The following ADAMTSL1 variants were observed in gnomAD, a reference collection of about 807,000 sequenced individuals.
ADAMTSL1 encodes the protein ADAMTS-like protein 1.
Under a neutral mutation model 201.8 loss-of-function variants are expected in ADAMTSL1, and 126 were observed. The ratio of observed to expected loss-of-function variants is 0.62; its 90% CI spans 0.54 to 0.72. ADAMTSL1 has a LOEUF of 0.72. Ranked by LOEUF, ADAMTSL1 falls within the 30% of genes least tolerant of loss-of-function variation. The pLI is 0.00. For synonymous variants in ADAMTSL1, 1,121 were observed against 903.4 expected (o/e 1.24, Z -4.32); for missense variants, 2,679 against 2,277.8 (o/e 1.18, Z -3.59).
chr9:18,628,402 G>A (rs1288045870), intron 5 of ADAMTSL1, among the ~76,000 whole-genome samples: 1 of 152,118 alleles, frequency 6.6e-6, no homozygotes, highest in African/African-American at 2.4e-5. Flanking sequence ...CCGTTTCTCT[G>A]AGGGTCTGTT....
chr9:18,636,596 C>A (rs919492946), intron 6 of ADAMTSL1, among the ~76,000 whole-genome samples: 2 of 152,236 alleles, frequency 1.3e-5, no homozygotes, highest in East Asian at 3.9e-4. Context: ...GTAATCATAA[C>A]CCCAAAGATC....
intron 23 of ADAMTSL1, among the ~76,000 whole-genome samples, chr9:18,831,194 G>A (rs2131269261): frequency 6.6e-6 from 1 of 152,340 alleles, no homozygotes; most frequent in African/African-American, 2.4e-5. Context: ...CACAGGGAAA[G>A]TAACAAGTAG....
At chr9:18,229,055 A>C (rs1449239724) in intron 2 of ADAMTSL1, among the ~76,000 whole-genome samples, 1 of 152,120 alleles carries the variant, frequency 6.6e-6, no homozygotes, top group African/African-American at 2.4e-5. Flanking sequence ...ATGGGTAATT[A>C]TATAGCACCA....
chr9:18,358,329 G>A (rs1271479877), intron 2 of ADAMTSL1, among the ~76,000 whole-genome samples: 2 of 152,062 alleles, frequency 1.3e-5, no homozygotes, highest in African/African-American at 4.8e-5. Context: ...CCTTTTGTGG[G>A]AAAAGTAAGA....
intron 15 of ADAMTSL1, among the ~76,000 whole-genome samples, chr9:18,734,180 A>T (rs773437530): frequency 1.3e-5 from 2 of 152,232 alleles, no homozygotes; most frequent in Non-Finnish European, 2.9e-5. Flanking sequence ...CGCTTAGCAC[A>T]GTGCCTCGCT....
At chr9:18,599,927 C>G (rs967263814) in intron 4 of ADAMTSL1, among the ~76,000 whole-genome samples, 7 of 138,492 alleles carry the variant, frequency 5.1e-5, no homozygotes, top group Non-Finnish European at 9.0e-5. Flanking sequence ...CCGAGGCGGG[C>G]AGATCAGAAG....
At chr9:18,322,582 G>A (rs902786333) in intron 2 of ADAMTSL1, among the ~76,000 whole-genome samples, 7 of 152,176 alleles carry the variant, frequency 4.6e-5, no homozygotes, top group East Asian at 1.9e-4. Context: ...GCAGTGAGCC[G>A]AGATTGTGCC....
At position 18,090,641 on chromosome 9, in the gene ADAMTSL1, C is replaced by A. The variant is rs538835422; in HGVS notation, c.88-73221C>A. Among the ~76,000 whole-genome samples, 49 of 152,068 alleles carry A rather than the reference C, an allele frequency of 3.2e-4. No homozygotes were observed. The South Asian group carries it at 9.7e-3, about 30-fold the overall frequency. Reference sequence around the variant, plus strand: ...TTTAATAGGTACAGAGTTTTAATTGCGGAATGTGAAAAAGTTCTGGAGCTG... The same window carrying A: ...TTTAATAGGTACAGAGTTTTAATTGAGGAATGTGAAAAAGTTCTGGAGCTG... On this transcript the variant is annotated intron_variant, in intron 1 of 29. Transcript: ENST00000680146.
rs926313931 is a variant in ADAMTSL1 at position 18,798,706 on chromosome 9, A to G, written c.3805+3182A>G. On this transcript the variant is annotated intron_variant, in intron 20 of 28. Coordinates refer to ENST00000380548, the MANE Select transcript of ADAMTSL1 (RefSeq NM_001040272.6). Reference sequence around the variant, plus strand: ...GTGATGAATATTTCACGTGGGCAACAGAGAGAGACGCCTGATGGGCTCTCC... The same window carrying G: ...GTGATGAATATTTCACGTGGGCAACGGAGAGAGACGCCTGATGGGCTCTCC... Among the ~76,000 whole-genome samples the G allele has an allele frequency of 4.6e-5, 7 of 152,326 alleles. No individual in the cohort carries two copies. The South Asian group carries it at 1.0e-3, about 23-fold the overall frequency.
chr9:18,737,806 T>G (rs1276759249), intron 15 of ADAMTSL1, among the ~76,000 whole-genome samples: 5 of 152,186 alleles, frequency 3.3e-5, no homozygotes, highest in Admixed American at 3.3e-4. Flanking sequence ...GCCTGAAAAG[T>G]AATGTTTTCC....
At chr9:18,794,423 CAAAA>C (rs918249545) in intron 19 of ADAMTSL1, among the ~76,000 whole-genome samples, 1 of 144,162 alleles carries the variant, frequency 6.9e-6, no homozygotes, top group African/African-American at 2.6e-5. Context: ...AAAACAAAAA[CAAAA>C]ACAAAAAAAA....
At chr9:18,449,404 T>A (rs976150961) in intron 2 of ADAMTSL1, among the ~76,000 whole-genome samples, 3 of 152,058 alleles carry the variant, frequency 2.0e-5, no homozygotes, top group Non-Finnish European at 4.4e-5. Flanking sequence ...CTGGAATGTA[T>A]AATACTAAAG....
chr9:18,711,111 T>A (rs759887623), intron 14 of ADAMTSL1, among the ~76,000 whole-genome samples: 6 of 152,182 alleles, frequency 3.9e-5, no homozygotes, highest in Non-Finnish European at 8.8e-5. Context: ...TTACAAAAAT[T>A]GTTACATCAT....
intron 1 of ADAMTSL1, among the ~76,000 whole-genome samples, chr9:17,991,386 G>A (rs138437634): frequency 3.6e-4 from 54 of 152,108 alleles, no homozygotes; most frequent in African/African-American, 1.3e-3. Flanking sequence ...TAGACAGGTG[G>A]GTCTGAAAAG....
At chr9:17,922,418 A>G (rs902188688) in intron 1 of ADAMTSL1, among the ~76,000 whole-genome samples, 2 of 152,180 alleles carry the variant, frequency 1.3e-5, no homozygotes, top group African/African-American at 4.8e-5. Flanking sequence ...GTGCAACTAA[A>G]AGCTGAGAAG....
At chr9:18,338,320 GCC>G (rs1416277375) in intron 2 of ADAMTSL1, among the ~76,000 whole-genome samples, 5 of 151,992 alleles carry the variant, frequency 3.3e-5, no homozygotes, top group African/African-American at 9.7e-5. Context: ...TCCACCTTCG[GCC>G]CCTTTCCTAC....
intron 1 of ADAMTSL1, among the ~76,000 whole-genome samples, chr9:18,133,288 G>A (rs1472277630): frequency 6.6e-6 from 1 of 152,040 alleles, no homozygotes; most frequent in African/African-American, 2.4e-5. Context: ...TAGTAAGATC[G>A]GCAGTGAGGG....
chr9:17,972,769 T>C (rs10963368), intron 1 of ADAMTSL1, among the ~76,000 whole-genome samples: 118,814 of 141,050 alleles, frequency 0.84, 50,387 homozygotes, highest in East Asian at 0.94. Flanking sequence ...AACTAGTTTA[T>C]AGTCCCACCA....
At chr9:18,261,671 G>T (rs748938075) in intron 2 of ADAMTSL1, among the ~76,000 whole-genome samples, 1 of 152,166 alleles carries the variant, frequency 6.6e-6, no homozygotes, top group East Asian at 1.9e-4. Context: ...TTATCAATAC[G>T]TAGCCATTCC....
Sources: gnomAD v4.1 joint callset for allele counts (sites outside exome capture counted in the v4.1 genomes callset) on GRCh38, gnomAD v4.1.1 for gene constraint, MANE v1.5 for transcripts, NCBI Gene and HGNC (gene_info 2026-07-23, HGNC 2026-07-21) for gene names.